Variants in MCUR1 observed in about 807,000 individuals in gnomAD.
MCUR1 encodes the protein mitochondrial calcium uniporter regulator 1.
Under a neutral mutation model 42.0 loss-of-function variants are expected in MCUR1, and 37 were observed. That is an observed-to-expected ratio of 0.88 (90% CI 0.68 to 1.16). The LOEUF (loss-of-function observed/expected upper bound fraction) is 1.16, where lower values mean the gene tolerates loss of function less well. MCUR1 is among the 50% of genes most tolerant of loss of function. The probability of loss-of-function intolerance (pLI) is 0.00; values close to 1 mark genes in which losing one functional copy is unlikely to be tolerated. For synonymous variants in MCUR1, 229 were observed against 196.2 expected, an observed-to-expected ratio of 1.17 and a Z score of -1.40; for missense variants, 469 against 468.4, an observed-to-expected ratio of 1.00 and a Z score of -0.01.
rs528896978 is a variant in MCUR1 at position 13,786,969 on chromosome 6, G to A, written c.*3840C>T. The A allele has an allele frequency of 2.0e-5, 3 of 152,156 alleles. No individual in the cohort carries two copies. Among genetic ancestry groups the A allele is most frequent in the South Asian group, 2.1e-4 (1 of 4,814 alleles). The allele number at this position is 152,156 out of a possible 1,614,324, so 9.4% of individuals were successfully genotyped here. A position where few individuals can be genotyped will look rare whatever the true frequency, so the allele number is the denominator to read the frequency against. ...CTGGTTAACATGTTTTTGCCTTAGT[G>A]CCAAAAAAGCCAGAACAAATTTGAT... On this transcript the variant is annotated 3_prime_UTR_variant, in exon 9 of 9. Transcript: ENST00000379170.
In MCUR1 at chr6:13,788,592, TTAGG is replaced by T. The variant is rs1465215690; in HGVS notation, c.*2213_*2216del. ...TTCACTGTTTTTAACCCACACAAGG[TTAGG>T]TAATGTTTACCTTGAAACATAATCG... On this transcript the variant is annotated 3_prime_UTR_variant, in exon 9 of 9. Coordinates refer to ENST00000379170, the MANE Select transcript of MCUR1 (RefSeq NM_001031713.4). 6.6e-6 allele frequency: 1 copy of T among 152,190 alleles called. No homozygotes were observed. Among genetic ancestry groups the T allele is most frequent in the Non-Finnish European group, 1.5e-5 (1 of 68,030 alleles). The allele number at this position is 152,190 out of a possible 1,614,324, so 9.4% of individuals were successfully genotyped here.
chr6:13,799,247 G>A (rs1358550109), intron 5 of MCUR1, among the ~76,000 whole-genome samples: 2 of 151,844 alleles, frequency 1.3e-5, no homozygotes, highest in Non-Finnish European at 2.9e-5. Context: ...GTGCAATGGG[G>A]TGATCTCTGC....
intron 6 of MCUR1, among the ~76,000 whole-genome samples, chr6:13,797,502 A>G (rs778248023): frequency 2.4e-4 from 37 of 151,416 alleles, no homozygotes; most frequent in Non-Finnish European, 4.0e-4. Context: ...AGGTCAGGAG[A>G]TCGACACCAT....
intron 6 of MCUR1, 56 bp downstream of exon 6, chr6:13,798,776 AG>A (rs1230423100): frequency 7.3e-7 from 1 of 1,361,444 alleles, no homozygotes; most frequent in East Asian, 2.3e-5. Flanking sequence ...GGCTTAACCA[AG>A]CATTCCATTC....
In MCUR1 at chr6:13,814,312, G is replaced by A; in HGVS notation, c.118C>T (p.Arg40Cys). 6.6e-7 allele frequency: 1 copy of A among 1,505,298 alleles called. No homozygotes were observed. Among genetic ancestry groups the A allele is most frequent in the South Asian group, 1.2e-5 (1 of 81,348 alleles). The allele number at this position is 1,505,298 out of a possible 1,614,324, so 93.2% of individuals were successfully genotyped here. ...CCGTCGGAGAGCGCAGAGAGGCAGC[G>A]GCGTGCTGAGGTTTCGCTGCCGCCC... is the stretch of plus-strand genomic sequence containing the variant. ...RPGGSETSAR[R>C]CLSALSDGLG... The change falls in exon 1 of 9, where the codon CGC becomes TGC. Residue 40 changes from arginine (R) to cysteine (C), a missense_variant. Coordinates refer to ENST00000379170, the MANE Select transcript of MCUR1 (RefSeq NM_001031713.4).
intron 6 of MCUR1, among the ~76,000 whole-genome samples, chr6:13,794,531 T>C (rs1037350819): frequency 6.6e-6 from 1 of 152,090 alleles, no homozygotes; most frequent in Non-Finnish European, 1.5e-5. Context: ...GGTATGAAGT[T>C]GGGGAACAAA....
rs769652791 is a variant in MCUR1 at position 13,790,868 on chromosome 6, T to A, written c.1025-4A>T. The A allele has an allele frequency of 2.5e-6, 4 of 1,603,220 alleles. No individual in the cohort carries two copies. In the Admixed American group the frequency reaches 6.8e-5, roughly 27 times the overall value. ...GTTAGGCACGTAAATATAGACCCTG[T>A]AAGAAAAAAACAATTGAGAGTACTA... On this transcript the variant is annotated splice_region_variant and splice_polypyrimidine_tract_variant and intron_variant, in intron 8 of 8. Coordinates refer to ENST00000379170, the MANE Select transcript of MCUR1 (RefSeq NM_001031713.4).
intron 1 of MCUR1, among the ~76,000 whole-genome samples, chr6:13,808,602 A>G (rs1252446160): frequency 1.3e-5 from 2 of 152,214 alleles, no homozygotes; most frequent in Non-Finnish European, 2.9e-5. Context: ...ATCCAAGTAC[A>G]TGAAAATTTA....
chr6:13,789,149 T>C lies in MCUR1; in HGVS notation c.*1660A>G, dbSNP rs1363187472. The C allele has an allele frequency of 6.6e-6, 1 of 152,256 alleles. No individual in the cohort carries two copies. Among genetic ancestry groups the C allele is most frequent in the Non-Finnish European group, 1.5e-5 (1 of 68,066 alleles). 9.4% of individuals were successfully genotyped at this position (152,256 alleles called of 1,614,324 possible). A position where few individuals can be genotyped will look rare whatever the true frequency, so the allele number is the denominator to read the frequency against. ...CAGGCGCAGCGGCTCACGCCTGTAA[T>C]CCCACTACTTTGGGAGACCAAGGCG... On this transcript the variant is annotated 3_prime_UTR_variant, in exon 9 of 9. Transcript: ENST00000379170.
chr6:13,812,861 A>C (rs772546475), intron 1 of MCUR1, among the ~76,000 whole-genome samples: 7 of 152,236 alleles, frequency 4.6e-5, no homozygotes, highest in Non-Finnish European at 8.8e-5. Context: ...TTTAATCAAC[A>C]ATATGCTATC....
chr6:13,803,377 T>C (rs888345505), intron 2 of MCUR1, among the ~76,000 whole-genome samples: 5 of 152,246 alleles, frequency 3.3e-5, no homozygotes, highest in Non-Finnish European at 7.3e-5. Context: ...TGGTATTGTT[T>C]TTAAAAACAT....
chr6:13,794,097 A>G (rs375344440), intron 6 of MCUR1, 150 bp from the exon 7 acceptor site: 6 of 617,648 alleles, frequency 9.7e-6, no homozygotes, highest in Non-Finnish European at 1.7e-5. Context: ...CTGCTTCTTT[A>G]TATGTGTTAC....
At chr6:13,801,473 G>T in intron 3 of MCUR1, 84 bp from the exon 4 acceptor site, 1 of 901,960 alleles carries the variant, frequency 1.1e-6, no homozygotes, top group Non-Finnish European at 1.8e-6. Flanking sequence ...TCTTCTTATT[G>T]AGAAACCAGG....
chr6:13,806,168 C>T (rs538937382), intron 2 of MCUR1, among the ~76,000 whole-genome samples: 6 of 151,966 alleles, frequency 3.9e-5, no homozygotes, highest in Admixed American at 6.6e-5. Context: ...GCAGGAGAAT[C>T]GCTTGAACCC....
At chr6:13,794,057 G>C in intron 6 of MCUR1, 110 bp from the exon 7 acceptor site, 1 of 863,724 alleles carries the variant, frequency 1.2e-6, no homozygotes, top group Non-Finnish European at 1.9e-6. Context: ...CGTAACACCA[G>C]AAAGTCACCT....
chr6:13,797,360 G>C (rs1206045819), intron 6 of MCUR1, among the ~76,000 whole-genome samples: 1 of 152,138 alleles, frequency 6.6e-6, no homozygotes, highest in Non-Finnish European at 1.5e-5. Context: ...GAAGACGGCT[G>C]AATATTCAGA....
intron 2 of MCUR1, chr6:13,803,892 G>A: frequency 1.0e-6 from 1 of 982,272 alleles, no homozygotes; most frequent in Non-Finnish European, 1.2e-6. Flanking sequence ...TAACACTCTG[G>A]GAGACCAAGG....
chr6:13,788,590 G>A lies in MCUR1; in HGVS notation c.*2219C>T, dbSNP rs556000508. 6.6e-6 allele frequency: 1 copy of A among 152,230 alleles called. No homozygotes were observed. Among genetic ancestry groups the A allele is most frequent in the African/African-American group, 2.4e-5 (1 of 41,520 alleles). 9.4% of individuals were successfully genotyped at this position (152,230 alleles called of 1,614,324 possible). On this transcript the variant is annotated 3_prime_UTR_variant, in exon 9 of 9. Coordinates refer to ENST00000379170, the MANE Select transcript of MCUR1 (RefSeq NM_001031713.4). ...ACTTCACTGTTTTTAACCCACACAAGGTTAGGTAATGTTTACCTTGAAACA... is the reference window on the plus strand; with the variant it reads ...ACTTCACTGTTTTTAACCCACACAAAGTTAGGTAATGTTTACCTTGAAACA...
chr6:13,793,748 A>G, intron 7 of MCUR1, 146 bp downstream of exon 7: 3 of 661,936 alleles, frequency 4.5e-6, no homozygotes, highest in Non-Finnish European at 7.8e-6. Flanking sequence ...CCTAATTTTT[A>G]TGTTGTGTGT....
Sources: allele counts gnomAD v4.1 joint callset (sites outside exome capture counted in the v4.1 genomes callset), GRCh38; gene constraint gnomAD v4.1.1; transcripts MANE v1.5; gene names NCBI Gene and HGNC (gene_info 2026-07-23, HGNC 2026-07-21).